The following ARHGAP42 variants were observed in gnomAD, a reference collection of about 807,000 sequenced individuals.
ARHGAP42 encodes Rho GTPase activating protein 42.
In ARHGAP42, 63 loss-of-function variants were observed where a neutral mutation model predicts 125.0. The ratio of observed to expected loss-of-function variants is 0.50; its 90% CI spans 0.41 to 0.62. The LOEUF is 0.62. ARHGAP42 is among the 20% of genes least tolerant of loss of function. The pLI is 0.00. For missense variants in ARHGAP42, 766 were observed against 1,024.2 expected (o/e 0.75, Z 3.44); for synonymous variants, 339 against 351.0 (o/e 0.97, Z 0.38).
intron 4 of ARHGAP42, 200 bp downstream of exon 4, chr11:100,859,825 A>T (rs1344791611): frequency 1.5e-5 from 6 of 396,490 alleles, no homozygotes; most frequent in Non-Finnish European, 2.2e-5. Flanking sequence ...AGTAGATAAG[A>T]AGCATGTTAT....
At chr11:100,911,941 A>G (rs1180157707) in intron 4 of ARHGAP42, among the ~76,000 whole-genome samples, 3 of 152,180 alleles carry the variant, frequency 2.0e-5, no homozygotes, top group African/African-American at 7.2e-5. Context: ...ATTTTAATGT[A>G]CAAGCATCTC....
chr11:100,698,974 C>T (rs1861341937), intron 1 of ARHGAP42, among the ~76,000 whole-genome samples: 1 of 151,908 alleles, frequency 6.6e-6, no homozygotes, highest in Non-Finnish European at 1.5e-5. Context: ...GTACCTGTTT[C>T]TCAGTATGTG....
chr11:100,763,278 G>A (rs1245853974), intron 1 of ARHGAP42, among the ~76,000 whole-genome samples: 2 of 151,902 alleles, frequency 1.3e-5, no homozygotes, highest in African/African-American at 4.8e-5. Context: ...ACTATGCCCA[G>A]CTGTTTATAG....
intron 4 of ARHGAP42, among the ~76,000 whole-genome samples, chr11:100,894,778 C>T (rs1480774796): frequency 6.6e-6 from 1 of 152,166 alleles, no homozygotes; most frequent in Non-Finnish European, 1.5e-5. Flanking sequence ...AAATCTACAA[C>T]CCCAAACTAA....
chr11:100,957,471 A>G (rs763624413), intron 12 of ARHGAP42, among the ~76,000 whole-genome samples: 11 of 152,090 alleles, frequency 7.2e-5, no homozygotes, highest in Non-Finnish European at 1.6e-4. Flanking sequence ...CCTACCTCAG[A>G]CATACAGCAG....
At chr11:100,799,497 G>A (rs1863800606) in intron 3 of ARHGAP42, among the ~76,000 whole-genome samples, 1 of 152,188 alleles carries the variant, frequency 6.6e-6, no homozygotes, top group Non-Finnish European at 1.5e-5. Flanking sequence ...TATCAAAGAA[G>A]TCTAACTTCC....
chr11:100,795,347 T>C (rs1863685271), intron 3 of ARHGAP42, among the ~76,000 whole-genome samples, 181 bp downstream of exon 3: 2 of 152,226 alleles, frequency 1.3e-5, no homozygotes, highest in South Asian at 4.1e-4. Flanking sequence ...TGATAAGATA[T>C]ACCATTTTTT....
chr11:100,779,517 T>C (rs1166599515), intron 2 of ARHGAP42, among the ~76,000 whole-genome samples: 1 of 140,928 alleles, frequency 7.1e-6, no homozygotes, highest in Non-Finnish European at 1.5e-5. Context: ...CGTATATATA[T>C]ACGTATACAT....
chr11:100,736,911 A>T (rs1366472343), intron 1 of ARHGAP42, among the ~76,000 whole-genome samples: 1 of 152,220 alleles, frequency 6.6e-6, no homozygotes, highest in South Asian at 2.1e-4. Context: ...AGGAAACACC[A>T]GGGATAGAAG....
In ARHGAP42 at chr11:100,933,207, C is replaced by T. The variant is rs934583636; in HGVS notation, c.649C>T (p.Leu217Phe). The T allele has an allele frequency of 3.2e-6, 5 of 1,550,556 alleles. No homozygotes were observed. In the African/African-American group the frequency reaches 4.1e-5, roughly 13 times the overall value. ...TACTTTTTACCATGAGGGATATGAA[C>T]TTGCCCAGGAATTTGCACCGTATAA... is the stretch of plus-strand genomic sequence containing the variant. ...LFTFYHEGYE[L>F]AQEFAPYKQQ... Residue 217 changes from leucine (L) to phenylalanine (F), a missense_variant, in exon 7 of 24, where the codon CTT becomes TTT. Around this residue, in one of 3 missense-constraint regions of ARHGAP42, gnomAD observed 455 missense variants for 636.5 expected, o/e 0.71. Coordinates refer to ENST00000298815, the MANE Select transcript of ARHGAP42 (RefSeq NM_152432.4).
chr11:100,906,478 C>A (rs12790516), intron 4 of ARHGAP42, among the ~76,000 whole-genome samples: 35,788 of 151,842 alleles, frequency 0.24, 4,666 homozygotes, highest in Middle Eastern at 0.34. Context: ...TTTAGGTTTT[C>A]ATTTTATCCA....
At chr11:100,799,532 C>T (rs145741215) in intron 3 of ARHGAP42, among the ~76,000 whole-genome samples, 112 of 152,228 alleles carry the variant, frequency 7.4e-4, no homozygotes, top group African/African-American at 2.6e-3. Flanking sequence ...GTAGTATGTG[C>T]ACTTGTGTTC....
At chr11:100,861,685 G>A (rs760317512) in intron 4 of ARHGAP42, among the ~76,000 whole-genome samples, 7 of 152,322 alleles carry the variant, frequency 4.6e-5, no homozygotes, top group Non-Finnish European at 1.0e-4. Context: ...CTGGGTGGTT[G>A]TTGAACCACC....
rs1863231934 is a variant in ARHGAP42, at chr11:100,779,535, T to TACACGTATATATATACGTATAC, written c.250+9098_250+9099insCACGTATATATATACGTATACA. Reference sequence around the variant, plus strand: ...ATATATATACGTATACATGCGTATATATACGTATATATATACATATACATA... The same window carrying TACACGTATATATATACGTATAC: ...ATATATATACGTATACATGCGTATATACACGTATATATATACGTATACATACGTATATATATACATATACATA... On this transcript the variant is annotated intron_variant, in intron 2 of 23. Coordinates refer to ENST00000298815, the MANE Select transcript of ARHGAP42 (RefSeq NM_152432.4). Among the ~76,000 whole-genome samples, 3 of 134,512 alleles carry TACACGTATATATATACGTATAC rather than the reference T, an allele frequency of 2.2e-5. 1 individual carries two copies. Among genetic ancestry groups the TACACGTATATATATACGTATAC allele is most frequent in the Non-Finnish European group, 4.8e-5 (3 of 62,794 alleles). The allele number at this position is 134,512 out of a possible 152,430, so 88.2% of individuals were successfully genotyped here. A position where few individuals can be genotyped will look rare whatever the true frequency, so the allele number is the denominator to read the frequency against.
chr11:100,877,545 T>G (rs897890502), intron 4 of ARHGAP42, among the ~76,000 whole-genome samples: 1 of 152,224 alleles, frequency 6.6e-6, no homozygotes, highest in Non-Finnish European at 1.5e-5. Flanking sequence ...TTCTGTAAAA[T>G]TCCTACCTCA....
At chr11:100,798,469 A>C (rs535195795) in intron 3 of ARHGAP42, among the ~76,000 whole-genome samples, 133 of 152,222 alleles carry the variant, frequency 8.7e-4, no homozygotes, top group Non-Finnish European at 1.7e-3. Flanking sequence ...ACCATCAAAA[A>C]GATTATGACT....
intron 1 of ARHGAP42, among the ~76,000 whole-genome samples, chr11:100,695,148 A>T (rs1216539745): frequency 6.6e-6 from 1 of 152,254 alleles, no homozygotes; most frequent in Non-Finnish European, 1.5e-5. Flanking sequence ...CTTTTGTATA[A>T]GCGTAGCAAC....
At chr11:100,869,649 A>C (rs1865655629) in intron 4 of ARHGAP42, among the ~76,000 whole-genome samples, 1 of 152,182 alleles carries the variant, frequency 6.6e-6, no homozygotes, top group South Asian at 2.1e-4. Flanking sequence ...AGATAGGAAC[A>C]TAATCAAGAA....
chr11:100,795,021 C>T (rs1460444905), intron 2 of ARHGAP42, 84 bp from the exon 3 acceptor site: 10 of 1,042,456 alleles, frequency 9.6e-6, no homozygotes, highest in Non-Finnish European at 1.4e-5. Flanking sequence ...TAATAACCAG[C>T]TTTCTTGTAA....
Sources: gnomAD v4.1 joint callset for allele counts (sites outside exome capture counted in the v4.1 genomes callset) on GRCh38, gnomAD v4.1.1 for gene constraint, gnomAD v4.1.1 regional missense constraint, MANE v1.5 for transcripts, NCBI Gene and HGNC (gene_info 2026-07-23, HGNC 2026-07-21) for gene names.